ZNF804B: variants seen among roughly 807,000 people sequenced by gnomAD.
ZNF804B encodes zinc finger protein 804B.
A neutral mutation model predicts 101.4 loss-of-function variants in ZNF804B; 80 were observed. The ratio of observed to expected loss-of-function variants is 0.79; its 90% confidence interval spans 0.66 to 0.95. The LOEUF (loss-of-function observed/expected upper bound fraction) is 0.95, where lower values mean the gene tolerates loss of function less well. ZNF804B is among the 40% of genes least tolerant of loss of function. The pLI, the probability that ZNF804B is intolerant of heterozygous loss-of-function variation, is 0.00. For synonymous variants in ZNF804B, 622 were observed against 558.8 expected (o/e 1.11, Z -1.59); for missense variants, 1,673 against 1,561.9 (o/e 1.07, Z -1.20).
At chr7:89,026,518 AC>A (rs1417289979) in intron 1 of ZNF804B, among the ~76,000 whole-genome samples, 1 of 152,206 alleles carries the variant, frequency 6.6e-6, no homozygotes, top group Non-Finnish European at 1.5e-5. Flanking sequence ...ATGCAGGAAG[AC>A]AAACTGGAAA....
chr7:88,942,530 G>GTGTT (rs1554348178), intron 1 of ZNF804B, among the ~76,000 whole-genome samples: 5 of 65,938 alleles, frequency 7.6e-5, no homozygotes, highest in African/African-American at 1.8e-4. Context: ...GTGTGTGTGT[G>GTGTT]TTTTGCATTG....
At chr7:89,234,291 C>G (rs1417761408) in intron 2 of ZNF804B, among the ~76,000 whole-genome samples, 1 of 151,428 alleles carries the variant, frequency 6.6e-6, no homozygotes, top group Non-Finnish European at 1.5e-5. Flanking sequence ...GTGGTCAACC[C>G]CCTTTTCTTT....
At chr7:89,275,709 A>G (rs368148641) in intron 2 of ZNF804B, among the ~76,000 whole-genome samples, 4 of 151,836 alleles carry the variant, frequency 2.6e-5, no homozygotes, top group African/African-American at 7.3e-5. Context: ...CTCATTTCCA[A>G]CCATTTTAAG....
intron 1 of ZNF804B, among the ~76,000 whole-genome samples, chr7:88,883,116 G>C (rs1437410684): frequency 6.6e-6 from 1 of 152,034 alleles, no homozygotes; most frequent in Non-Finnish European, 1.5e-5. Flanking sequence ...AAACATGGTA[G>C]AGAATTGTCA....
intron 1 of ZNF804B, 55 bp from the exon 2 acceptor site, chr7:89,218,100 C>T: frequency 6.5e-7 from 1 of 1,531,632 alleles, no homozygotes; most frequent in Non-Finnish European, 8.9e-7. Context: ...AATACGAGAT[C>T]TGGTTATGCT....
chr7:89,067,933 C>T (rs554690611), intron 1 of ZNF804B, among the ~76,000 whole-genome samples: 30 of 150,230 alleles, frequency 2.0e-4, no homozygotes, highest in African/African-American at 6.4e-4. Flanking sequence ...CTCAGCCTCA[C>T]GAGTAGCTGG....
chr7:88,963,714 G>C (rs1339259651), intron 1 of ZNF804B, among the ~76,000 whole-genome samples: 1 of 151,166 alleles, frequency 6.6e-6, no homozygotes, highest in Non-Finnish European at 1.5e-5. Context: ...TTACATCATA[G>C]AATCCTGTTA....
At chr7:88,953,171 G>A (rs950132803) in intron 1 of ZNF804B, among the ~76,000 whole-genome samples, 1 of 151,616 alleles carries the variant, frequency 6.6e-6, no homozygotes, top group Admixed American at 6.6e-5. Flanking sequence ...TATGTGATTC[G>A]ATTCCAGTAT....
chr7:88,777,550 T>C (rs1475793272), intron 1 of ZNF804B, among the ~76,000 whole-genome samples: 1 of 152,112 alleles, frequency 6.6e-6, no homozygotes, highest in African/African-American at 2.4e-5. Context: ...TAATATAAGA[T>C]TGCAGAAACT....
At chr7:89,279,871 T>C (rs567154617) in intron 2 of ZNF804B, among the ~76,000 whole-genome samples, 6 of 152,062 alleles carry the variant, frequency 3.9e-5, no homozygotes, top group Non-Finnish European at 8.8e-5. Context: ...CCTCATAGGA[T>C]ACCCAGGAAT....
intron 1 of ZNF804B, among the ~76,000 whole-genome samples, chr7:89,109,423 C>T (rs771163925): frequency 6.6e-6 from 1 of 152,112 alleles, no homozygotes; most frequent in African/African-American, 2.4e-5. Context: ...ATGAGAATGG[C>T]TTTCTCTGCC....
rs550423402 is a variant in ZNF804B at position 89,143,111 on chromosome 7, GC to G, written c.109-75043del. On this transcript the variant is annotated intron_variant, in intron 1 of 3. Transcript: ENST00000333190. ...TTGATTGGCAGTTTACGGATACATA[GC>G]TAAAATTAAACTGTACATGTTTTTA... 5.9e-3 allele frequency among the ~76,000 whole-genome samples: 892 copies of G among 151,860 alleles called. 9 individuals carry two copies. The highest frequency in any genetic ancestry group is 0.02 in the African/African-American group (838 of 41,432).
chr7:89,330,354 C>T (rs1042844530), intron 3 of ZNF804B, among the ~76,000 whole-genome samples: 12 of 151,390 alleles, frequency 7.9e-5, no homozygotes, highest in African/African-American at 2.7e-4. Flanking sequence ...TTGAAATTTG[C>T]CAAGAGAGTG....
At chr7:89,140,744 A>G (rs903242611) in intron 1 of ZNF804B, among the ~76,000 whole-genome samples, 28 of 152,092 alleles carry the variant, frequency 1.8e-4, no homozygotes, top group African/African-American at 6.5e-4. Flanking sequence ...TTGATCTTCA[A>G]TGTAAAACTT....
intron 1 of ZNF804B, among the ~76,000 whole-genome samples, chr7:88,832,106 A>G (rs1170115352): frequency 2.0e-5 from 3 of 151,730 alleles, no homozygotes; most frequent in Admixed American, 1.3e-4. Context: ...TAATTAAACA[A>G]TTGTGGCATA....
chr7:88,883,793 AATGTGTGT>A (rs1012392636), intron 1 of ZNF804B, among the ~76,000 whole-genome samples: 3 of 146,646 alleles, frequency 2.0e-5, no homozygotes, highest in Admixed American at 6.9e-5. Context: ...AGAAGCACTG[AATGTGTGT>A]ATGTGTGTAT....
At chr7:89,107,179 A>G (rs540919435) in intron 1 of ZNF804B, among the ~76,000 whole-genome samples, 30 of 152,248 alleles carry the variant, frequency 2.0e-4, no homozygotes, top group African/African-American at 7.0e-4. Context: ...GTATTCATAA[A>G]GTTTTAGATT....
intron 1 of ZNF804B, among the ~76,000 whole-genome samples, chr7:88,926,456 G>C (rs1226175851): frequency 6.6e-6 from 1 of 151,300 alleles, no homozygotes; most frequent in Non-Finnish European, 1.5e-5. Context: ...ATAGCCGGGC[G>C]TAGTGGTGCA....
chr7:89,065,591 G>A (rs781706184), intron 1 of ZNF804B, among the ~76,000 whole-genome samples: 2 of 152,158 alleles, frequency 1.3e-5, no homozygotes, highest in African/African-American at 2.4e-5. Context: ...ACAACACACA[G>A]TGGGTTAAAA....
Sources: allele counts gnomAD v4.1 joint callset (sites outside exome capture counted in the v4.1 genomes callset), GRCh38; gene constraint gnomAD v4.1.1; transcripts MANE v1.5; gene names NCBI Gene and HGNC (gene_info 2026-07-23, HGNC 2026-07-21).